Variants in PRKG1 observed in about 807,000 individuals in gnomAD.
PRKG1 encodes cGMP-dependent protein kinase 1.
In PRKG1, 35 loss-of-function variants were observed where a neutral mutation model predicts 88.1. That is an observed-to-expected ratio of 0.40 (90% CI 0.30 to 0.53). PRKG1 has a LOEUF of 0.53. PRKG1 is among the 20% of genes least tolerant of loss of function. The pLI is 0.59. For missense variants in PRKG1, 540 were observed against 839.8 expected (o/e 0.64, Z 4.41); for synonymous variants, 303 against 292.5 (o/e 1.04, Z -0.37).
intron 3 of PRKG1, among the ~76,000 whole-genome samples, chr10:51,802,468 T>C (rs1488612073): frequency 6.6e-6 from 1 of 152,160 alleles, no homozygotes; most frequent in East Asian, 1.9e-4. Flanking sequence ...ACATAGATAA[T>C]GAAATCTGAT....
intron 2 of PRKG1, among the ~76,000 whole-genome samples, chr10:51,387,959 AAATT>A (rs1237818534): frequency 3.3e-5 from 5 of 152,138 alleles, no homozygotes; most frequent in African/African-American, 1.2e-4. Context: ...TTTACTATCT[AAATT>A]AAGAATGTCA....
intron 3 of PRKG1, among the ~76,000 whole-genome samples, chr10:51,678,527 G>T (rs1050994323): frequency 2.0e-5 from 3 of 152,156 alleles, no homozygotes; most frequent in African/African-American, 7.2e-5. Context: ...ATTCTAATAT[G>T]CAGTCAGCAT....
intron 3 of PRKG1, among the ~76,000 whole-genome samples, chr10:51,596,901 C>T (rs150840860): frequency 2.6e-5 from 4 of 152,116 alleles, no homozygotes; most frequent in African/African-American, 9.6e-5. Flanking sequence ...ACAGCAACAC[C>T]AGGCACTAGC....
At chr10:51,194,771 G>A (rs558262228) in intron 2 of PRKG1, among the ~76,000 whole-genome samples, 12 of 152,142 alleles carry the variant, frequency 7.9e-5, no homozygotes, top group South Asian at 6.2e-4. Flanking sequence ...GTCAAAGATC[G>A]AGGGCCCAGC....
At chr10:51,032,021 A>G (rs1022769544) in intron 1 of PRKG1, among the ~76,000 whole-genome samples, 3 of 152,212 alleles carry the variant, frequency 2.0e-5, no homozygotes, top group Non-Finnish European at 4.4e-5. Context: ...TATAGGAAAA[A>G]CATTAAAATT....
At chr10:51,384,598 C>G (rs1365774310) in intron 2 of PRKG1, among the ~76,000 whole-genome samples, 2 of 152,102 alleles carry the variant, frequency 1.3e-5, no homozygotes, top group Non-Finnish European at 2.9e-5. Flanking sequence ...CTCACCCACC[C>G]ACTTGCTCCC....
rs1031331666 is a variant in PRKG1, at chr10:51,941,852, A to G, written c.762+34282A>G. ...CCACATTTTCTTAATCCAGTCTATC[A>G]TTGTTGGACATTTGGGTTGGTTCCA... On this transcript the variant is annotated intron_variant, in intron 5 of 17. Transcript: ENST00000373980. Among the ~76,000 whole-genome samples the G allele has an allele frequency of 6.3e-4, 95 of 151,890 alleles. 1 individual carries two copies. The highest frequency in any genetic ancestry group is 1.3e-3 in the Admixed American group (20 of 15,252).
chr10:51,923,561 T>A (rs1229532787), intron 5 of PRKG1, among the ~76,000 whole-genome samples: 3 of 151,182 alleles, frequency 2.0e-5, no homozygotes, highest in Non-Finnish European at 2.9e-5. Context: ...TTTTTTAACA[T>A]TTTTTAGTGG....
intron 1 of PRKG1, chr10:51,068,411 G>T (rs10761774): frequency 0.89 from 135,682 of 152,022 alleles, 60,732 homozygotes; most frequent in African/African-American, 0.96. Context: ...GCAGTCATTT[G>T]ACCTACTAAT....
intron 9 of PRKG1, among the ~76,000 whole-genome samples, chr10:52,171,888 C>T (rs1269301081): frequency 2.8e-5 from 4 of 144,056 alleles, no homozygotes; most frequent in Non-Finnish European, 6.0e-5. Flanking sequence ...CTGCAAGCTC[C>T]GCTTCCCGGG....
chr10:51,455,422 C>A (rs1839558361), intron 2 of PRKG1, among the ~76,000 whole-genome samples: 1 of 152,182 alleles, frequency 6.6e-6, no homozygotes, highest in Non-Finnish European at 1.5e-5. Flanking sequence ...GCTTGAATTT[C>A]TCCTCAAAAA....
chr10:51,674,988 CT>C (rs1840674655), intron 3 of PRKG1, among the ~76,000 whole-genome samples: 1 of 152,070 alleles, frequency 6.6e-6, no homozygotes, highest in South Asian at 2.1e-4. Flanking sequence ...TTTATTCAAA[CT>C]TTTTTGGGTA....
At chr10:51,126,108 TAATTATA>T (rs1480119522) in intron 1 of PRKG1, among the ~76,000 whole-genome samples, 1 of 77,838 alleles carries the variant, frequency 1.3e-5, no homozygotes, top group African/African-American at 4.4e-5. Flanking sequence ...ATACTATATA[TAATTATA>T]TAATTATATT....
intron 3 of PRKG1, among the ~76,000 whole-genome samples, chr10:51,523,546 C>A (rs959347595): frequency 6.6e-6 from 1 of 152,136 alleles, no homozygotes; most frequent in African/African-American, 2.4e-5. Context: ...TCTCTCTTAA[C>A]AAATTTTCTC....
At chr10:51,635,580 C>A (rs528311109) in intron 3 of PRKG1, among the ~76,000 whole-genome samples, 2 of 152,180 alleles carry the variant, frequency 1.3e-5, no homozygotes, top group Admixed American at 6.5e-5. Flanking sequence ...GAAAAATCAA[C>A]CATTGTGCCA....
chr10:51,380,712 T>C (rs1191959064), intron 2 of PRKG1, among the ~76,000 whole-genome samples: 4 of 152,042 alleles, frequency 2.6e-5, no homozygotes, highest in African/African-American at 9.7e-5. Flanking sequence ...AAGGTCACAA[T>C]AAGTGAACAG....
At chr10:51,266,924 C>CTA (rs151177444) in intron 2 of PRKG1, among the ~76,000 whole-genome samples, 17,259 of 152,120 alleles carry the variant, frequency 0.11, 1,344 homozygotes, top group African/African-American at 0.22. Context: ...CAGAACCTAT[C>CTA]ATAGGATCTG....
intron 3 of PRKG1, among the ~76,000 whole-genome samples, chr10:51,578,192 A>G (rs1837936624): frequency 6.6e-6 from 1 of 152,074 alleles, no homozygotes; most frequent in Non-Finnish European, 1.5e-5. Flanking sequence ...ATCTAAGCAC[A>G]CTTCAATTAG....
chr10:52,031,301 G>T (rs1461581738), intron 5 of PRKG1, among the ~76,000 whole-genome samples: 1 of 152,182 alleles, frequency 6.6e-6, no homozygotes, highest in East Asian at 1.9e-4. Context: ...AGCTTTCAGG[G>T]AATAATATAA....
Sources: allele counts gnomAD v4.1 joint callset (sites outside exome capture counted in the v4.1 genomes callset), GRCh38; gene constraint gnomAD v4.1.1; transcripts MANE v1.5; gene names NCBI Gene and HGNC (gene_info 2026-07-23, HGNC 2026-07-21).